PDE1A: variants seen among roughly 807,000 people sequenced by gnomAD.
The protein encoded by PDE1A is dual specificity calcium/calmodulin-dependent 3',5'-cyclic nucleotide phosphodiesterase 1A.
In PDE1A, 35 loss-of-function variants were observed where a neutral mutation model predicts 61.7. The ratio of observed to expected loss-of-function variants is 0.57; its 90% CI spans 0.43 to 0.75. PDE1A has a LOEUF of 0.75. PDE1A is among the 30% of genes least tolerant of loss of function. PDE1A has a pLI of 0.00. For missense variants in PDE1A, 597 were observed against 630.6 expected (o/e 0.95, Z 0.57); for synonymous variants, 232 against 213.2 (o/e 1.09, Z -0.77).
At chr2:182,625,362 T>A in the PDE1A span, among the ~76,000 whole-genome samples, 1 of 152,254 alleles carries the variant, frequency 6.6e-6, no homozygotes, top group Non-Finnish European at 1.5e-5. Context: ...GTTCTGGTGC[T>A]TGGACTTGAC....
At chr2:182,193,327 G>GT (rs1236954556) in intron 10 of PDE1A, among the ~76,000 whole-genome samples, 2 of 152,030 alleles carry the variant, frequency 1.3e-5, no homozygotes, top group Non-Finnish European at 2.9e-5. Context: ...ATAAGACAGG[G>GT]TAAAGTATAG....
chr2:182,275,720 C>A (rs1693361831), intron 1 of PDE1A, among the ~76,000 whole-genome samples: 1 of 151,992 alleles, frequency 6.6e-6, no homozygotes. Flanking sequence ...AGAATAGGCA[C>A]CCTCGTAAAT....
intron 1 of PDE1A, among the ~76,000 whole-genome samples, chr2:182,267,536 C>T (rs971453603): frequency 1.3e-5 from 2 of 151,820 alleles, no homozygotes; most frequent in African/African-American, 4.8e-5. Flanking sequence ...GTTTTTTCTC[C>T]TTTGCTTCTT....
intron 13 of PDE1A, among the ~76,000 whole-genome samples, chr2:182,170,329 A>C (rs1372856466): frequency 6.6e-6 from 1 of 152,088 alleles, no homozygotes; most frequent in Non-Finnish European, 1.5e-5. Context: ...TAAATGATAA[A>C]AAATTTCACT....
chr2:182,548,490 T>C, the PDE1A span, among the ~76,000 whole-genome samples: 1 of 152,170 alleles, frequency 6.6e-6, no homozygotes, highest in Non-Finnish European at 1.5e-5. Context: ...CTGCTCTCAA[T>C]AAACTGTGCC....
intron 3 of PDE1A, among the ~76,000 whole-genome samples, chr2:182,237,113 T>A (rs571025988): frequency 6.6e-6 from 1 of 152,106 alleles, no homozygotes; most frequent in Non-Finnish European, 1.5e-5. Flanking sequence ...CTCCTAAAGG[T>A]GGTGAAAGTC....
Position 182,284,103 on chromosome 2 carries a change from G to C in PDE1A, c.54-19689C>G, listed in dbSNP as rs371967146. Among the ~76,000 whole-genome samples the C allele has an allele frequency of 2.0e-5, 3 of 152,136 alleles. No homozygotes were observed. In the South Asian group the frequency reaches 6.2e-4, roughly 32 times the overall value. On this transcript the variant is annotated intron_variant, in intron 1 of 13. Transcript: ENST00000351439. ...TGGCCTATTGCAAGAATCAGTCTGG[G>C]AGAACAAGAGGCAGTAAGGAAAGGA... is the stretch of plus-strand genomic sequence containing the variant.
chr2:182,663,033 C>T, the PDE1A span, among the ~76,000 whole-genome samples: 1 of 152,054 alleles, frequency 6.6e-6, no homozygotes, highest in Non-Finnish European at 1.5e-5. Flanking sequence ...CATAAACAAA[C>T]ACTTCTCAAA....
intron 9 of PDE1A, 38 bp downstream of exon 9, chr2:182,201,650 C>CAAAAAAAAAAAAAAAAAAACAAAAAA: frequency 7.9e-7 from 1 of 1,266,430 alleles, no homozygotes; most frequent in Non-Finnish European, 1.1e-6. Context: ...TTTAACATGA[C>CAAAAAAAAAAAAAAAAAAACAAAAAA]AAAAAAAAAA....
chr2:182,194,655 G>A (rs936746802), intron 10 of PDE1A, among the ~76,000 whole-genome samples: 4 of 152,016 alleles, frequency 2.6e-5, no homozygotes, highest in Non-Finnish European at 5.9e-5. Context: ...AGTTTCTCAC[G>A]GCTTTAGAGG....
the PDE1A span, among the ~76,000 whole-genome samples, chr2:182,572,482 T>G: frequency 1.3e-5 from 2 of 152,220 alleles, no homozygotes; most frequent in Non-Finnish European, 2.9e-5. Flanking sequence ...TAGAAAAGTA[T>G]GACAATAATT....
the PDE1A span, among the ~76,000 whole-genome samples, chr2:182,576,362 A>T: frequency 6.6e-6 from 1 of 152,198 alleles, no homozygotes; most frequent in Admixed American, 6.5e-5. Context: ...AAATGTTCTC[A>T]AGATTCATCC....
In PDE1A at chr2:182,384,491, A is replaced by AATAATAAT. The variant is rs1559402165; in HGVS notation, c.53+42086_53+42087insATTATTAT. Among the ~76,000 whole-genome samples the AATAATAAT allele has an allele frequency of 7.9e-3, 1,061 of 133,604 alleles. 14 individuals carry two copies. The highest frequency in any genetic ancestry group is 0.029 in the African/African-American group (1,009 of 34,840). The allele number at this position is 133,604 out of a possible 152,430, so 87.6% of individuals were successfully genotyped here. ...ATAATAATAATAATAATAATAATAAAATAGAAATCCAGGAGCTGAAAAATA... is the reference window on the plus strand; with the variant it reads ...ATAATAATAATAATAATAATAATAAAATAATAATATAGAAATCCAGGAGCTGAAAAATA... On this transcript the variant is annotated intron_variant, in intron 1 of 13. Transcript: ENST00000351439.
chr2:182,237,525 C>G (rs1690124068), intron 3 of PDE1A, among the ~76,000 whole-genome samples: 1 of 152,072 alleles, frequency 6.6e-6, no homozygotes, highest in South Asian at 2.1e-4. Flanking sequence ...ACTATTTATA[C>G]CAGGCACTCT....
intron 2 of PDE1A, among the ~76,000 whole-genome samples, chr2:182,450,807 T>A (rs1284474810): frequency 6.6e-6 from 1 of 151,930 alleles, no homozygotes; most frequent in Non-Finnish European, 1.5e-5. Context: ...ATTTCTCACA[T>A]TTGCAAAAAT....
chr2:182,197,133 T>C (rs979942201), intron 10 of PDE1A, among the ~76,000 whole-genome samples: 1 of 151,894 alleles, frequency 6.6e-6, no homozygotes, highest in Non-Finnish European at 1.5e-5. Context: ...TGGGGCTATA[T>C]GATATTTCAT....
At chr2:182,489,485 T>C (rs1033409727) in intron 2 of PDE1A, among the ~76,000 whole-genome samples, 3 of 152,146 alleles carry the variant, frequency 2.0e-5, no homozygotes, top group Non-Finnish European at 4.4e-5. Flanking sequence ...TAGCAGGCCA[T>C]GGCAGGTGGG....
chr2:182,685,335 A>G, the PDE1A span, among the ~76,000 whole-genome samples: 1 of 152,160 alleles, frequency 6.6e-6, no homozygotes. Context: ...TGAAGTTTTT[A>G]GTAAATCAGC....
intron 1 of PDE1A, among the ~76,000 whole-genome samples, chr2:182,386,004 C>T (rs1490118464): frequency 6.6e-6 from 1 of 152,194 alleles, no homozygotes; most frequent in Non-Finnish European, 1.5e-5. Context: ...TGATTGCGGG[C>T]GTGTGCCGCC....
Sources: allele counts gnomAD v4.1 joint callset (sites outside exome capture counted in the v4.1 genomes callset), GRCh38; gene constraint gnomAD v4.1.1; transcripts MANE v1.5; gene names NCBI Gene and HGNC (gene_info 2026-07-23, HGNC 2026-07-21).